Variants in ANXA6 observed in about 807,000 individuals in gnomAD.
ANXA6 encodes 67 kDa calelectrin.
In ANXA6, 71 loss-of-function variants were observed where a neutral mutation model predicts 95.4. The ratio of observed to expected loss-of-function variants is 0.74; its 90% confidence interval spans 0.61 to 0.91. The LOEUF (loss-of-function observed/expected upper bound fraction) is 0.91. Ranked by LOEUF, ANXA6 falls within the 40% of genes least tolerant of loss-of-function variation. ANXA6 has a pLI of 0.00. For synonymous variants in ANXA6, 289 were observed against 315.9 expected (o/e 0.91, Z 0.90); for missense variants, 830 against 876.4 (o/e 0.95, Z 0.67).
chr5:151,111,731 G>C (rs1764855340), intron 20 of ANXA6, among the ~76,000 whole-genome samples: 1 of 146,346 alleles, frequency 6.8e-6, no homozygotes, highest in South Asian at 2.2e-4. Flanking sequence ...TGGGACTACA[G>C]GTGTGTGCCA....
At chr5:151,126,348 G>T (rs1765314603) in intron 14 of ANXA6, 54 bp downstream of exon 14, 2 of 1,486,822 alleles carry the variant, frequency 1.3e-6, no homozygotes, top group Non-Finnish European at 1.8e-6. Flanking sequence ...GCAGGAAGGT[G>T]CAAGCAGAGA....
chr5:151,141,822 AGAGCAGGGCGCCTTGCAAG>A, intron 2 of ANXA6: 3 of 643,038 alleles, frequency 4.7e-6, no homozygotes, highest in Non-Finnish European at 5.8e-6. Flanking sequence ...CCGAATACCC[AGAGCAGGGCGCCTTGCAAG>A]GAGCTCAGTG....
intron 20 of ANXA6, among the ~76,000 whole-genome samples, chr5:151,114,707 A>G (rs1028023341): frequency 6.6e-6 from 1 of 150,834 alleles, no homozygotes; most frequent in African/African-American, 2.4e-5. Context: ...GTCTATAATA[A>G]TTATTTATAA....
Position 151,124,277 on chromosome 5 carries a change from C to G in ANXA6, c.1138+9G>C, listed in dbSNP as rs372235082. 578 of 1,613,004 alleles carry G rather than the reference C, an allele frequency of 3.6e-4. No individual in the cohort carries two copies. The highest frequency in any genetic ancestry group is 4.6e-4 in the Non-Finnish European group (538 of 1,179,474). Reference sequence around the variant, plus strand: ...GAGACCAACCCTGCTCCCTTCCCATCCCCCATACCGAGTCCCTTCATGGCT... The same window carrying G: ...GAGACCAACCCTGCTCCCTTCCCATGCCCCATACCGAGTCCCTTCATGGCT... On this transcript the variant is annotated intron_variant, in intron 15 of 25. Transcript: ENST00000354546.
At chr5:151,109,577 T>TATA (rs1172995208) in intron 22 of ANXA6, among the ~76,000 whole-genome samples, 176 bp downstream of exon 22, 1 of 152,152 alleles carries the variant, frequency 6.6e-6, no homozygotes, top group Admixed American at 6.5e-5. Flanking sequence ...GTATAAGTGG[T>TATA]AGAGCCAGGA....
At chr5:151,151,602 T>G (rs1766106954) in intron 1 of ANXA6, 1 of 152,266 alleles carries the variant, frequency 6.6e-6, no homozygotes, top group Admixed American at 6.5e-5. Flanking sequence ...TCTCTCAGCC[T>G]TAGTTTCTTC....
At chr5:151,140,480 C>A in intron 2 of ANXA6, 2 of 496,162 alleles carry the variant, frequency 4.0e-6, no homozygotes, top group Non-Finnish European at 3.7e-6. Flanking sequence ...CCAAGGCCTG[C>A]AGCCCTGCAC....
At chr5:151,141,831 C>A in intron 2 of ANXA6, 1 of 602,612 alleles carries the variant, frequency 1.7e-6, no homozygotes, top group Non-Finnish European at 2.1e-6. Flanking sequence ...CAGAGCAGGG[C>A]GCCTTGCAAG....
intron 23 of ANXA6, among the ~76,000 whole-genome samples, chr5:151,106,459 A>G (rs1173024666): frequency 6.6e-6 from 1 of 152,062 alleles, no homozygotes; most frequent in Admixed American, 6.6e-5. Flanking sequence ...TCCCATCTCC[A>G]GCTCCTTACA....
intron 3 of ANXA6, 148 bp downstream of exon 3, chr5:151,140,005 T>C: frequency 1.8e-6 from 1 of 553,152 alleles, no homozygotes; most frequent in Non-Finnish European, 3.2e-6. Context: ...TATTATAACA[T>C]CATGAAAATT....
chr5:151,134,545 T>A, intron 7 of ANXA6, 62 bp from the exon 8 acceptor site: 1 of 1,569,940 alleles, frequency 6.4e-7, no homozygotes, highest in Non-Finnish European at 8.8e-7. Flanking sequence ...GAGGCCTGGA[T>A]GCCAGTGGTG....
intron 1 of ANXA6, among the ~76,000 whole-genome samples, chr5:151,149,875 T>C (rs151127343): frequency 0.012 from 1,806 of 152,182 alleles, 36 homozygotes; most frequent in African/African-American, 0.042. Flanking sequence ...TCCCAGCACT[T>C]TGGGAGGCCA....
chr5:151,123,069 T>C (rs1765217650), intron 15 of ANXA6, 58 bp from the exon 16 acceptor site: 4 of 1,440,764 alleles, frequency 2.8e-6, no homozygotes, highest in Non-Finnish European at 3.9e-6. Flanking sequence ...GCTTTCCCCA[T>C]GCACCGCCCA....
At chr5:151,132,364 C>T in intron 10 of ANXA6, 112 bp downstream of exon 10, 1 of 838,096 alleles carries the variant, frequency 1.2e-6, no homozygotes, top group Non-Finnish European at 1.8e-6. Context: ...ACATGGTTTT[C>T]TCCTTCCCAA....
intron 20 of ANXA6, among the ~76,000 whole-genome samples, chr5:151,115,568 C>G (rs974600239): frequency 3.9e-5 from 6 of 152,190 alleles, no homozygotes; most frequent in African/African-American, 1.2e-4. Context: ...AAGATCAATT[C>G]AGGGTTGGAG....
rs770259932 is a variant in ANXA6, at chr5:151,124,353, C to T, written c.1071G>A (p.Val357=). ...CAGGGTTGAAGTCATTGGCTGGGCGCACAGTTCCCTTCAGCTGTGAGAAGC... is the reference window on the plus strand; with the variant it reads ...CAGGGTTGAAGTCATTGGCTGGGCGTACAGTTCCCTTCAGCTGTGAGAAGC... ...AVARVELKGT[V]RPANDFNPDA... The change falls in exon 15 of 26, where the codon GTG becomes GTA. Residue 357 remains valine (V), a synonymous_variant. Coordinates refer to ENST00000354546, the MANE Select transcript of ANXA6 (RefSeq NM_001155.5). 5 of 1,611,864 alleles carry T rather than the reference C, an allele frequency of 3.1e-6. No individual in the cohort carries two copies. The highest frequency in any genetic ancestry group is 1.7e-4 in the Middle Eastern group (1 of 6,058).
Position 151,117,120 on chromosome 5 carries a change from G to T in ANXA6, c.1572+7C>A, listed in dbSNP as rs768429614. On this transcript the variant is annotated splice_region_variant and intron_variant, in intron 20 of 25. Coordinates refer to ENST00000354546, the MANE Select transcript of ANXA6 (RefSeq NM_001155.5). ...CAGAGGTGACTGGGGTGGGCTGGGGGTCTTACCTGGGCATCTTCCCGTGCC... is the reference window on the plus strand; with the variant it reads ...CAGAGGTGACTGGGGTGGGCTGGGGTTCTTACCTGGGCATCTTCCCGTGCC... 27 of 1,587,710 alleles carry T rather than the reference G, an allele frequency of 1.7e-5. No homozygotes were observed. Among genetic ancestry groups the T allele is most frequent in the Admixed American group, 6.9e-5 (4 of 58,040 alleles).
At position 151,139,358 on chromosome 5, in the gene ANXA6, C is replaced by T. The variant is rs1031435705; in HGVS notation, c.199G>A (p.Gly67Ser). 21 of 1,609,974 alleles carry T rather than the reference C, an allele frequency of 1.3e-5. No individual in the cohort carries two copies. Among genetic ancestry groups the T allele is most frequent in the Admixed American group, 1.7e-5 (1 of 59,694 alleles). Residue 67 changes from glycine to serine, a missense_variant, in exon 4 of 26, where the codon GGC becomes AGC. Gly to Ser is a moderately conservative substitution (Grantham distance 56, BLOSUM62 0). Transcript: ENST00000354546. ...CCTCCGGTTGCTGTGGTTACCTTGCCGTAGAGGGACTTGTAGCTCTGGCAG... is the reference window on the plus strand; with the variant it reads ...CCTCCGGTTGCTGTGGTTACCTTGCTGTAGAGGGACTTGTAGCTCTGGCAG... ...EVCQSYKSLY[G>S]KDLIADLKYE...
Position 151,141,597 on chromosome 5 carries a change from G to A in ANXA6, c.19-1354C>T, listed in dbSNP as rs370543984. 37 of 985,364 alleles carry A rather than the reference G, an allele frequency of 3.8e-5. No individual in the cohort carries two copies. The African/African-American group carries it at 6.3e-4, about 17-fold the overall frequency. The allele number at this position is 985,364 out of a possible 1,614,324, so 61.0% of individuals were successfully genotyped here. A position where few individuals can be genotyped will look rare whatever the true frequency, so the allele number is the denominator to read the frequency against. On this transcript the variant is annotated intron_variant, in intron 2 of 25. Coordinates refer to ENST00000354546, the MANE Select transcript of ANXA6 (RefSeq NM_001155.5). The stretch of plus-strand genomic sequence containing the variant: ...CGCCTCCCCCTCTCCCCGTCTCCGT[G>A]CCTCCCAACGTCTGCACTGCAGGAC...
Sources: allele counts gnomAD v4.1 joint callset (sites outside exome capture counted in the v4.1 genomes callset), GRCh38; gene constraint gnomAD v4.1.1; transcripts MANE v1.5; gene names NCBI Gene and HGNC (gene_info 2026-07-23, HGNC 2026-07-21).